Variants in KAT6B observed in about 807,000 individuals in gnomAD.
KAT6B encodes lysine acetyltransferase 6B.
In KAT6B, 10 loss-of-function variants were observed where a neutral mutation model predicts 187.5. That is an observed-to-expected ratio of 0.05 (90% CI 0.03 to 0.09). The LOEUF is 0.09. KAT6B is among the 10% of genes least tolerant of loss of function. The pLI is 1.00. For synonymous variants in KAT6B, 861 were observed against 926.8 expected, an observed-to-expected ratio of 0.93 and a Z score of 1.29; for missense variants, 1,952 against 2,558.9, an observed-to-expected ratio of 0.76 and a Z score of 5.12.
chr10:74,987,536 T>G (rs1842886205), intron 12 of KAT6B, among the ~76,000 whole-genome samples: 1 of 152,210 alleles, frequency 6.6e-6, no homozygotes, highest in Non-Finnish European at 1.5e-5. Context: ...CTAGAGGTTA[T>G]TAGAACTACA....
At chr10:74,971,672 G>A (rs1841855649) in intron 6 of KAT6B, among the ~76,000 whole-genome samples, 1 of 151,628 alleles carries the variant, frequency 6.6e-6, no homozygotes, top group Admixed American at 6.6e-5. Context: ...CTCTTTTTTT[G>A]TGTGTAGTCA....
In KAT6B at chr10:74,976,210, T is replaced by G. The variant is rs1289626514; in HGVS notation, c.1873T>G (p.Phe625Val). ...KAIAHFKRTT[F>V]LKKHRMLGRL... ...AATTGCTCACTTCAAGCGAACAACT[T>G]TCCTTAAAAAGCACAGGATGCTAGG... The change falls in exon 8 of 18, where the codon TTC becomes GTC. Residue 625 changes from phenylalanine to valine, a missense_variant. Coordinates refer to ENST00000287239, the MANE Select transcript of KAT6B (RefSeq NM_012330.4). 1.9e-6 allele frequency: 3 copies of G among 1,614,108 alleles called. No homozygotes were observed. Among genetic ancestry groups the G allele is most frequent in the East Asian group, 4.5e-5 (2 of 44,876 alleles).
At chr10:74,847,914 CTTTTTCTTTTTT>C (rs1449733605) in intron 3 of KAT6B, among the ~76,000 whole-genome samples, 1 of 145,296 alleles carries the variant, frequency 6.9e-6, no homozygotes, top group Non-Finnish European at 1.5e-5. Context: ...TTTTCTTTTT[CTTTTTCTTTTTT>C]TTTTTTTTTG....
At chr10:74,978,108 C>T (rs1335178586) in intron 9 of KAT6B, among the ~76,000 whole-genome samples, 1 of 152,210 alleles carries the variant, frequency 6.6e-6, no homozygotes, top group Non-Finnish European at 1.5e-5. Flanking sequence ...CTACCCAACC[C>T]CACTTCCTGT....
chr10:74,941,436 G>C (rs1849661812), intron 3 of KAT6B, among the ~76,000 whole-genome samples: 1 of 152,168 alleles, frequency 6.6e-6, no homozygotes, highest in Non-Finnish European at 1.5e-5. Context: ...GAAATCTGTA[G>C]CTAGACTAAT....
chr10:74,965,497 A>G (rs1401236001), intron 4 of KAT6B, among the ~76,000 whole-genome samples: 1 of 152,162 alleles, frequency 6.6e-6, no homozygotes, highest in Non-Finnish European at 1.5e-5. Flanking sequence ...TGAAGGGAGG[A>G]GAGATGGACA....
At chr10:74,866,766 TTAAACAC>T (rs1843582403) in intron 3 of KAT6B, among the ~76,000 whole-genome samples, 1 of 152,202 alleles carries the variant, frequency 6.6e-6, no homozygotes, top group Non-Finnish European at 1.5e-5. Context: ...ATTAGAGGCG[TTAAACAC>T]AATATTAGCA....
At chr10:74,998,717 G>A (rs964632136) in intron 13 of KAT6B, among the ~76,000 whole-genome samples, 3 of 152,162 alleles carry the variant, frequency 2.0e-5, no homozygotes, top group African/African-American at 4.8e-5. Flanking sequence ...CCAGGAGTTC[G>A]AGGCCAGCCT....
chr10:75,021,982 G>A lies in KAT6B; in HGVS notation c.3123G>A (p.Ser1041=), dbSNP rs758752251. ...GGCAATCACCTGCAAAAGTACAATC[G>A]AAAAATAAATATTTGCATTCCCCGG... ...NSRQSPAKVQ[S]KNKYLHSPES... The change falls in exon 16 of 18, where the codon TCG becomes TCA. Residue 1041 remains serine (S), a synonymous_variant. Coordinates refer to ENST00000287239, the MANE Select transcript of KAT6B (RefSeq NM_012330.4). 11 of 1,613,990 alleles carry A rather than the reference G, an allele frequency of 6.8e-6. 1 individual carries two copies. The Middle Eastern group carries it at 8.2e-4, about 121-fold the overall frequency.
chr10:75,024,880 G>T, intron 16 of KAT6B, 78 bp from the exon 17 acceptor site: 2 of 1,329,748 alleles, frequency 1.5e-6, no homozygotes, highest in Non-Finnish European at 2.2e-6. Flanking sequence ...CACGCGTTCA[G>T]TACATGTCTA....
intron 13 of KAT6B, 60 bp downstream of exon 13, chr10:74,989,172 CA>C: frequency 8.6e-7 from 1 of 1,158,618 alleles, no homozygotes; most frequent in Non-Finnish European, 1.3e-6. Flanking sequence ...TTACAGGAAA[CA>C]GTAAAATATA....
intron 3 of KAT6B, among the ~76,000 whole-genome samples, chr10:74,931,954 C>G (rs1345267826): frequency 1.3e-5 from 2 of 152,036 alleles, no homozygotes; most frequent in African/African-American, 2.4e-5. Flanking sequence ...TCAAGTAATC[C>G]TCCTGTGTTG....
At chr10:74,897,317 C>A (rs200816113) in intron 3 of KAT6B, among the ~76,000 whole-genome samples, 2 of 152,160 alleles carry the variant, frequency 1.3e-5, no homozygotes, top group Admixed American at 6.5e-5. Context: ...TCCTCTCCCC[C>A]GCTCCCCACT....
At chr10:75,009,280 A>G (rs1357650558) in intron 13 of KAT6B, among the ~76,000 whole-genome samples, 1 of 152,204 alleles carries the variant, frequency 6.6e-6, no homozygotes, top group Non-Finnish European at 1.5e-5. Context: ...CAGCTAACAA[A>G]TTAAACTCCC....
chr10:74,828,881 T>C (rs1840508027), intron 1 of KAT6B, among the ~76,000 whole-genome samples: 1 of 152,144 alleles, frequency 6.6e-6, no homozygotes, highest in African/African-American at 2.4e-5. Context: ...ATAAGTTCTT[T>C]ACACATTTAT....
chr10:74,966,243 A>C (rs1430039653), intron 4 of KAT6B, among the ~76,000 whole-genome samples: 1 of 152,122 alleles, frequency 6.6e-6, no homozygotes, highest in African/African-American at 2.4e-5. Context: ...ATTTCTAACC[A>C]AGTCCGTAAA....
At chr10:74,935,431 A>G (rs1194781889) in intron 3 of KAT6B, among the ~76,000 whole-genome samples, 1 of 151,590 alleles carries the variant, frequency 6.6e-6, no homozygotes, top group Non-Finnish European at 1.5e-5. Context: ...TGCCCAGACC[A>G]GAGTGCAATG....
intron 1 of KAT6B, among the ~76,000 whole-genome samples, chr10:74,830,661 G>C (rs562544077): frequency 8.1e-6 from 1 of 123,644 alleles, no homozygotes; most frequent in African/African-American, 3.0e-5. Context: ...AGCCTTTTTA[G>C]CTTTTATGAT....
Position 75,027,917 on chromosome 10 carries a change from TTTAG to T in KAT6B, c.3665-568_3665-565del, listed in dbSNP as rs1053162853. On this transcript the variant is annotated intron_variant, in intron 17 of 17. Transcript: ENST00000287239. ...ATTACAAATGCATTTGTTTTGGGTA[TTTAG>T]TTATTTACTGATTTGTTTCAGAGGT... Among the ~76,000 whole-genome samples, 31 of 152,192 alleles carry T rather than the reference TTTAG, an allele frequency of 2.0e-4. 1 individual carries two copies. The highest frequency in any genetic ancestry group is 7.2e-4 in the African/African-American group (30 of 41,444).
Sources: gnomAD v4.1 joint callset for allele counts (sites outside exome capture counted in the v4.1 genomes callset) on GRCh38, gnomAD v4.1.1 for gene constraint, MANE v1.5 for transcripts, NCBI Gene and HGNC (gene_info 2026-07-23, HGNC 2026-07-21) for gene names.